The following UBE3B variants were observed in gnomAD, a reference collection of about 807,000 sequenced individuals.
UBE3B encodes the protein ubiquitin protein ligase E3B.
UBE3B carries 80 observed loss-of-function variants against 132.3 expected under a neutral mutation model. That is an observed-to-expected ratio of 0.60 (90% CI 0.50 to 0.73). UBE3B has a LOEUF of 0.73. UBE3B is among the 30% of genes least tolerant of loss of function. UBE3B has a pLI of 0.00. For synonymous variants in UBE3B, 487 were observed against 520.4 expected (o/e 0.94, Z 0.87); for missense variants, 1,196 against 1,362.5 (o/e 0.88, Z 1.92).
intron 19 of UBE3B, among the ~76,000 whole-genome samples, chr12:109,519,397 T>C (rs746041287): frequency 3.3e-5 from 5 of 152,194 alleles, no homozygotes; most frequent in Non-Finnish European, 5.9e-5. Flanking sequence ...CAAGAGGCAG[T>C]CCCCTCTAAA....
intron 4 of UBE3B, 29 bp downstream of exon 4, chr12:109,484,010 T>G: frequency 6.3e-7 from 1 of 1,585,582 alleles, no homozygotes. Context: ...ACATGTATAA[T>G]ACTTCCATAT....
At chr12:109,511,470 G>A (rs147273882) in intron 18 of UBE3B, among the ~76,000 whole-genome samples, 167 bp downstream of exon 18, 1 of 152,330 alleles carries the variant, frequency 6.6e-6, no homozygotes, top group African/African-American at 2.4e-5. Flanking sequence ...CCAGTGCTGG[G>A]GTACAGAGCT....
At chr12:109,526,466 T>G (rs369660865) in intron 24 of UBE3B, 50 bp downstream of exon 24, 9 of 1,549,904 alleles carry the variant, frequency 5.8e-6, no homozygotes, top group Non-Finnish European at 8.0e-6. Context: ...AAGACTTCAT[T>G]CTGGCTCTCT....
chr12:109,479,078 A>G (rs1405595044), intron 1 of UBE3B, among the ~76,000 whole-genome samples: 1 of 152,254 alleles, frequency 6.6e-6, no homozygotes, highest in Non-Finnish European at 1.5e-5. Context: ...AGATGAGATC[A>G]TGAATGATCT....
chr12:109,533,964 C>A (rs1227947106), intron 27 of UBE3B: 1 of 1,304,492 alleles, frequency 7.7e-7, no homozygotes, highest in South Asian at 1.2e-5. Context: ...CACGTCCAGG[C>A]TCGCTGCTTC....
At chr12:109,524,316 G>A (rs544546010) in intron 22 of UBE3B, 122 bp from the exon 23 acceptor site, 56 of 1,404,522 alleles carry the variant, frequency 4.0e-5, no homozygotes, top group Middle Eastern at 1.8e-4. Context: ...CTTTCTTTGC[G>A]TCAAGCTGTT....
At position 109,508,552 on chromosome 12, in the gene UBE3B, A is replaced by G. The variant is rs1879967236; in HGVS notation, c.1622+817A>G. The G allele has an allele frequency of 3.0e-6, 3 of 985,412 alleles. No homozygotes were observed. In the African/African-American group the frequency reaches 5.2e-5, roughly 17 times the overall value. The allele number at this position is 985,412 out of a possible 1,614,324, so 61.0% of individuals were successfully genotyped here. On this transcript the variant is annotated intron_variant, in intron 15 of 27. Transcript: ENST00000342494. ...AAAGGTTGGTGAAGAATTATAAGATACAATGGACCTCAGGCAGTTATGTTC... is the reference window on the plus strand; with the variant it reads ...AAAGGTTGGTGAAGAATTATAAGATGCAATGGACCTCAGGCAGTTATGTTC...
chr12:109,537,428 T>TCCCCTGGCCTGGGAAG, downstream of UBE3B, among the ~76,000 whole-genome samples: 1 of 152,260 alleles, frequency 6.6e-6, no homozygotes, highest in East Asian at 1.9e-4. Flanking sequence ...TTCTCGCTGC[T>TCCCCTGGCCTGGGAAG]CCCCTGGCCT....
chr12:109,490,840 G>C (rs1877353905), intron 8 of UBE3B: 1 of 1,187,114 alleles, frequency 8.4e-7, no homozygotes, highest in East Asian at 2.7e-5. Context: ...TTTTTTAAGA[G>C]ACAGGGTTGC....
rs764202583 is a variant in UBE3B, at chr12:109,490,555, C to T, written c.631-490C>T. The T allele has an allele frequency of 3.8e-5, 59 of 1,535,864 alleles. No homozygotes were observed. Among genetic ancestry groups the T allele is most frequent in the Non-Finnish European group, 4.9e-5 (56 of 1,146,854 alleles). On this transcript the variant is annotated intron_variant, in intron 8 of 27. Transcript: ENST00000342494. ...CTCACAACAACCCTGTGAGGTGGTC[C>T]GTTGGCAGAAGCTGGTATGACTGGC...
chr12:109,504,520 G>A (rs983498473), intron 14 of UBE3B, among the ~76,000 whole-genome samples: 5 of 152,224 alleles, frequency 3.3e-5, no homozygotes, highest in Admixed American at 6.5e-5. Context: ...TGGTAGCACT[G>A]TTTGCTGAGC....
At chr12:109,542,071 G>C in the UBE3B span, among the ~76,000 whole-genome samples, 2 of 152,242 alleles carry the variant, frequency 1.3e-5, no homozygotes, top group South Asian at 2.1e-4. Flanking sequence ...GTCTTCCAGA[G>C]CAAGTGTGGC....
At chr12:109,537,948 G>A (rs1370753932), downstream of UBE3B, among the ~76,000 whole-genome samples, 1 of 152,050 alleles carries the variant, frequency 6.6e-6, no homozygotes, top group African/African-American at 2.4e-5. Flanking sequence ...TGATCCCCCC[G>A]CCTCGGCCTC....
At chr12:109,525,185 T>C (rs1882195358) in intron 23 of UBE3B, among the ~76,000 whole-genome samples, 1 of 152,170 alleles carries the variant, frequency 6.6e-6, no homozygotes, top group African/African-American at 2.4e-5. Context: ...GAGTCCTGGA[T>C]GGGCCCAGTC....
At chr12:109,546,180 T>C in the UBE3B span, among the ~76,000 whole-genome samples, 3 of 152,112 alleles carry the variant, frequency 2.0e-5, no homozygotes, top group Admixed American at 1.3e-4. Context: ...TGATGGTGAA[T>C]GCGCCAGTGC....
At chr12:109,538,964 G>A (rs147952492), downstream of UBE3B, among the ~76,000 whole-genome samples, 9 of 152,128 alleles carry the variant, frequency 5.9e-5, no homozygotes, top group African/African-American at 1.7e-4. The surrounding 1 kb of genome is among the most constrained non-coding windows in gnomAD (Gnocchi z 4.1). Context: ...GGCCAGGCTC[G>A]GTAGCTCATG....
intron 1 of UBE3B, among the ~76,000 whole-genome samples, chr12:109,481,002 C>A (rs932218863): frequency 6.6e-6 from 1 of 151,474 alleles, no homozygotes. Flanking sequence ...ATGTCAAACA[C>A]GCTGAGGCAG....
rs575459519 is a variant in UBE3B at position 109,528,963 on chromosome 12, A to G, written c.2628-927A>G. On this transcript the variant is annotated intron_variant, in intron 24 of 27. Coordinates refer to ENST00000342494, the MANE Select transcript of UBE3B (RefSeq NM_130466.4). ...CACCCGAGGTCAGGAGTTTGAGACC[A>G]GACTGGTCCAACATGGTGAACCCCA... 2.8e-4 allele frequency among the ~76,000 whole-genome samples: 43 copies of G among 152,318 alleles called. 1 individual carries two copies. The South Asian group carries it at 8.5e-3, about 30-fold the overall frequency.
rs1189944971 is a variant in UBE3B, at chr12:109,528,522, G to A, written c.2628-1368G>A. On this transcript the variant is annotated intron_variant, in intron 24 of 27. Coordinates refer to ENST00000342494, the MANE Select transcript of UBE3B (RefSeq NM_130466.4). ...CTCTACTGATTTGGAATTGGTGAGA[G>A]TCATACGTGGGCCGGGCTCAAGTTC... The A allele has an allele frequency of 4.1e-6, 4 of 983,856 alleles. No homozygotes were observed. The South Asian group carries it at 1.4e-4, about 35-fold the overall frequency. 60.9% of individuals were successfully genotyped at this position (983,856 alleles called of 1,614,324 possible). A position where few individuals can be genotyped will look rare whatever the true frequency, so the allele number is the denominator to read the frequency against.
Sources: allele counts gnomAD v4.1 joint callset (sites outside exome capture counted in the v4.1 genomes callset), GRCh38; gene constraint gnomAD v4.1.1; non-coding constraint Gnocchi (gnomAD v3.1); transcripts MANE v1.5; gene names NCBI Gene and HGNC (gene_info 2026-07-23, HGNC 2026-07-21).